The following IRAK1BP1 variants were observed in gnomAD, a reference collection of about 807,000 sequenced individuals.
The protein encoded by IRAK1BP1 is interleukin 1 receptor associated kinase 1 binding protein 1.
A neutral mutation model predicts 28.0 loss-of-function variants in IRAK1BP1; 24 were observed. The ratio of observed to expected loss-of-function variants is 0.86; its 90% CI spans 0.62 to 1.20. The LOEUF (loss-of-function observed/expected upper bound fraction) is 1.20. Ranked by LOEUF, IRAK1BP1 falls within the 50% of genes most tolerant of loss-of-function variation. The probability of loss-of-function intolerance (pLI) is 0.00; values close to 1 mark genes in which losing one functional copy is unlikely to be tolerated. For synonymous variants in IRAK1BP1, 131 were observed against 116.3 expected, an observed-to-expected ratio of 1.13 and a Z score of -0.81; for missense variants, 336 against 316.7, an observed-to-expected ratio of 1.06 and a Z score of -0.46.
the IRAK1BP1 span, chr6:78,965,778 A>G: frequency 6.9e-7 from 1 of 1,448,020 alleles, no homozygotes; most frequent in Non-Finnish European, 9.6e-7. Context: ...AAAGAAAGAA[A>G]AATCATTATA....
chr6:78,882,874 G>A (rs972945903), intron 1 of IRAK1BP1, among the ~76,000 whole-genome samples: 1 of 152,150 alleles, frequency 6.6e-6, no homozygotes, highest in Non-Finnish European at 1.5e-5. Flanking sequence ...TAACATCAGA[G>A]AAGTCTGAAA....
chr6:78,942,165 T>C (rs958808114), intron 4 of IRAK1BP1, among the ~76,000 whole-genome samples: 1 of 152,122 alleles, frequency 6.6e-6, no homozygotes, highest in Non-Finnish European at 1.5e-5. Flanking sequence ...TGGTCACAGG[T>C]TGGAACTGTA....
At chr6:78,921,827 C>T (rs1429402083) in intron 4 of IRAK1BP1, among the ~76,000 whole-genome samples, 2 of 152,182 alleles carry the variant, frequency 1.3e-5, no homozygotes, top group Admixed American at 6.5e-5. Context: ...CTGGAGTGGA[C>T]CTCCAGCAAA....
chr6:78,961,826 A>G, the IRAK1BP1 span: 1 of 1,578,002 alleles, frequency 6.3e-7, no homozygotes, highest in Non-Finnish European at 8.6e-7. Context: ...ATAAATAGAT[A>G]AGTTTGTAAA....
chr6:78,969,723 T>A, the IRAK1BP1 span: 1 of 549,788 alleles, frequency 1.8e-6, no homozygotes, highest in Admixed American at 3.7e-5. Flanking sequence ...TTCCTACAAA[T>A]AGCAAAAAGA....
At chr6:78,941,297 G>A (rs748949309) in intron 4 of IRAK1BP1, 2 of 1,613,364 alleles carry the variant, frequency 1.2e-6, no homozygotes, top group Non-Finnish European at 1.7e-6. Flanking sequence ...TACTTGAATG[G>A]TTCCTGGTAC....
At chr6:78,968,773 G>T in the IRAK1BP1 span, among the ~76,000 whole-genome samples, 2 of 152,016 alleles carry the variant, frequency 1.3e-5, no homozygotes, top group Non-Finnish European at 2.9e-5. Flanking sequence ...GGTTTTCAGT[G>T]AATTTACAAT....
downstream of IRAK1BP1, among the ~76,000 whole-genome samples, chr6:78,949,107 A>G (rs182569194): frequency 6.6e-6 from 1 of 152,248 alleles, no homozygotes; most frequent in East Asian, 1.9e-4. Context: ...AGTAAACATG[A>G]TATTAGCTGT....
At chr6:78,940,558 T>TTG in intron 4 of IRAK1BP1, 1 of 179,846 alleles carries the variant, frequency 5.6e-6, no homozygotes, top group South Asian at 2.2e-4. Context: ...GTTTTTTTTT[T>TTG]TTTTTTTTTT....
At chr6:78,951,192 A>G (rs940366757), downstream of IRAK1BP1, among the ~76,000 whole-genome samples, 1 of 152,166 alleles carries the variant, frequency 6.6e-6, no homozygotes, top group Admixed American at 6.5e-5. Context: ...AAAATATAAA[A>G]ATGATTTTTT....
chr6:78,935,035 A>G (rs1773217688), intron 4 of IRAK1BP1, among the ~76,000 whole-genome samples: 1 of 152,186 alleles, frequency 6.6e-6, no homozygotes, highest in African/African-American at 2.4e-5. Flanking sequence ...TTGGTCTTTA[A>G]TCTTACTTCC....
At chr6:78,963,952 T>C in the IRAK1BP1 span, among the ~76,000 whole-genome samples, 2 of 150,168 alleles carry the variant, frequency 1.3e-5, 1 homozygote, top group South Asian at 4.2e-4. Context: ...TGTATCCAAA[T>C]AGAACAACAA....
At chr6:78,889,742 A>G (rs112752162) in intron 2 of IRAK1BP1, among the ~76,000 whole-genome samples, 1 of 152,182 alleles carries the variant, frequency 6.6e-6, no homozygotes, top group African/African-American at 2.4e-5. Context: ...GTCAGTTAGA[A>G]TGGCAATCTT....
the IRAK1BP1 span, among the ~76,000 whole-genome samples, chr6:78,960,664 A>G: frequency 6.6e-6 from 1 of 152,058 alleles, no homozygotes; most frequent in Non-Finnish European, 1.5e-5. Context: ...AGTTTTCTTT[A>G]TTCCAGTGGT....
At chr6:78,878,872 G>A (rs992412542) in intron 1 of IRAK1BP1, among the ~76,000 whole-genome samples, 5 of 152,150 alleles carry the variant, frequency 3.3e-5, no homozygotes, top group South Asian at 2.1e-4. Flanking sequence ...TTCAGTAGCC[G>A]ATTAGATGAA....
At chr6:78,875,134 C>T (rs556554116) in intron 1 of IRAK1BP1, among the ~76,000 whole-genome samples, 14 of 152,318 alleles carry the variant, frequency 9.2e-5, no homozygotes, top group Admixed American at 9.2e-4. Flanking sequence ...TGGAAAAGTG[C>T]TCAGCATCAC....
At chr6:78,888,018 T>A (rs1771493487) in intron 2 of IRAK1BP1, among the ~76,000 whole-genome samples, 1 of 62,368 alleles carries the variant, frequency 1.6e-5, no homozygotes. Flanking sequence ...AAATATTATT[T>A]AGCCTTAAAA....
chr6:78,927,307 A>G (rs952681301), intron 4 of IRAK1BP1, among the ~76,000 whole-genome samples: 2 of 152,146 alleles, frequency 1.3e-5, no homozygotes, highest in African/African-American at 4.8e-5. Flanking sequence ...AGTGATATTG[A>G]GCACCTTTTC....
the IRAK1BP1 span, among the ~76,000 whole-genome samples, chr6:78,964,836 A>G: frequency 1.3e-5 from 2 of 152,214 alleles, no homozygotes; most frequent in Admixed American, 6.5e-5. Context: ...GAATAACGTA[A>G]AAGAATTTAT....
Sources: allele counts gnomAD v4.1 joint callset (sites outside exome capture counted in the v4.1 genomes callset), GRCh38; gene constraint gnomAD v4.1.1; transcripts MANE v1.5; gene names NCBI Gene and HGNC (gene_info 2026-07-23, HGNC 2026-07-21).